The following PSMD13 variants were observed in gnomAD, a reference collection of about 807,000 sequenced individuals.
PSMD13 encodes the protein proteasome 26S subunit, non-ATPase 13.
A neutral mutation model predicts 57.4 loss-of-function variants in PSMD13; 8 were observed. The observed-to-expected ratio is 0.14, with a 90% CI of 0.08 to 0.25. The LOEUF is 0.25. PSMD13 is among the 10% of genes least tolerant of loss of function. PSMD13 has a pLI of 1.00. For synonymous variants in PSMD13, 193 were observed against 168.2 expected (o/e 1.15, Z -1.14); for missense variants, 400 against 461.5 (o/e 0.87, Z 1.22).
intron 6 of PSMD13, among the ~76,000 whole-genome samples, chr11:246,407 C>G (rs1185633616): frequency 1.3e-5 from 2 of 152,126 alleles, no homozygotes; most frequent in African/African-American, 2.4e-5. Flanking sequence ...GAGGCTGAGG[C>G]AGCGAATTGC....
chr11:238,136 A>G (rs1859406352), intron 1 of PSMD13, among the ~76,000 whole-genome samples: 1 of 152,350 alleles, frequency 6.6e-6, no homozygotes, highest in African/African-American at 2.4e-5. Flanking sequence ...ACTGTCCCTG[A>G]GGTTTTAAAT....
At chr11:237,997 A>C (rs1324698845) in intron 1 of PSMD13, among the ~76,000 whole-genome samples, 1 of 152,260 alleles carries the variant, frequency 6.6e-6, no homozygotes, top group Non-Finnish European at 1.5e-5. Flanking sequence ...TTCTGCTATT[A>C]GCAGTTTTTG....
At position 252,417 on chromosome 11, in the gene PSMD13, A is replaced by T; in HGVS notation, c.1036-88A>T. ...GCCCTAGAGAGTTAGCTGGAGATGT[A>T]GAGTCACCCCATCAGGTGCTGTGCC... On this transcript the variant is annotated intron_variant, in intron 12 of 12. Transcript: ENST00000532097. This position sits in a 1 kb window ranked among gnomAD's most constrained non-coding sequence, Gnocchi z 4.1. 8.2e-7 allele frequency: 1 copy of T among 1,217,726 alleles called. No individual in the cohort carries two copies. The highest frequency in any genetic ancestry group is 1.2e-6 in the Non-Finnish European group (1 of 823,956). 75.4% of individuals were successfully genotyped at this position (1,217,726 alleles called of 1,614,324 possible). A position where few individuals can be genotyped will look rare whatever the true frequency, so the allele number is the denominator to read the frequency against.
intron 2 of PSMD13, among the ~76,000 whole-genome samples, chr11:242,779 A>G (rs928595059): frequency 1.3e-5 from 2 of 151,914 alleles, no homozygotes; most frequent in Middle Eastern, 3.2e-3. Flanking sequence ...TCCTGATACT[A>G]CATTATGTCT....
intron 2 of PSMD13, chr11:243,091 G>GCC (rs1590247950): frequency 2.4e-5 from 12 of 504,910 alleles, no homozygotes; most frequent in East Asian, 1.2e-4. Context: ...ACTGCGCCCG[G>GCC]ATGGTTACGT....
chr11:248,674 TACAA>T (rs1243114263), intron 7 of PSMD13, 98 bp from the exon 8 acceptor site: 3 of 1,155,814 alleles, frequency 2.6e-6, no homozygotes, highest in Non-Finnish European at 3.8e-6. Flanking sequence ...TAACAACCAT[TACAA>T]ACAATGTTTT....
chr11:251,728 G>A lies in PSMD13; in HGVS notation c.919-92G>A, dbSNP rs200947971. 3.5e-5 allele frequency: 54 copies of A among 1,529,982 alleles called. No homozygotes were observed. In the East Asian group the frequency reaches 3.6e-4, roughly 10 times the overall value. 94.8% of individuals were successfully genotyped at this position (1,529,982 alleles called of 1,614,324 possible). The stretch of plus-strand genomic sequence containing the variant: ...TGCTCCCTAGACAGTAAAAAATGAC[G>A]GGAGGAGCGGCATCTGCTTCTCACA... On this transcript the variant is annotated intron_variant, in intron 11 of 12. Coordinates refer to ENST00000532097, the MANE Select transcript of PSMD13 (RefSeq NM_002817.4). The surrounding 1 kb of genome is among the most constrained non-coding windows in gnomAD (Gnocchi z 4.6).
rs1216841574 is a variant in PSMD13, at chr11:247,376, A to G, written c.496A>G (p.Ile166Val). Residue 166 changes from isoleucine to valine, a missense_variant, in exon 7 of 13, where the codon ATC becomes GTC. Coordinates refer to ENST00000532097, the MANE Select transcript of PSMD13 (RefSeq NM_002817.4). ...TCTCTCCAGTAAATACTATCAAACA[A>G]TCGGAAACCACGCGTCCTACTACAA... ...YDLSSKYYQTIGNHASYYKDA... is the reference protein window; with the variant it reads ...YDLSSKYYQTVGNHASYYKDA... 16 of 1,614,134 alleles carry G rather than the reference A, an allele frequency of 9.9e-6. No homozygotes were observed. Among genetic ancestry groups the G allele is most frequent in the Admixed American group, 1.7e-5 (1 of 60,032 alleles).
Position 248,794 on chromosome 11 carries a change from G to C in PSMD13, c.587G>C (p.Arg196Thr). 2 of 1,614,210 alleles carry C rather than the reference G, an allele frequency of 1.2e-6. No individual in the cohort carries two copies. The highest frequency in any genetic ancestry group is 1.3e-5 in the African/African-American group (1 of 75,060). ...ACCATAGTGTCTGAGCAGCAGGAGA[G>C]AGCCTTCACGCTGGGGCTAGCAGGA... is the stretch of plus-strand genomic sequence containing the variant. ...KDLPVSEQQERAFTLGLAGLL... is the reference protein window; with the variant it reads ...KDLPVSEQQETAFTLGLAGLL... The change falls in exon 8 of 13, where the codon AGA becomes ACA. Residue 196 changes from arginine to threonine, a missense_variant. By Grantham distance (71) the Arg-to-Thr change is moderately conservative. Coordinates refer to ENST00000532097, the MANE Select transcript of PSMD13 (RefSeq NM_002817.4).
chr11:243,114 CT>C, intron 2 of PSMD13: 15 of 587,664 alleles, frequency 2.6e-5, no homozygotes, highest in Non-Finnish European at 4.0e-5. Context: ...TTTTCTTTCC[CT>C]TTTTTTACTT....
At chr11:246,359 G>A (rs1039476135) in intron 6 of PSMD13, among the ~76,000 whole-genome samples, 18 of 152,124 alleles carry the variant, frequency 1.2e-4, no homozygotes, top group Middle Eastern at 3.4e-3. Context: ...AAAATTAGCC[G>A]GGCATGGTGG....
intron 4 of PSMD13, 83 bp downstream of exon 4, chr11:244,299 T>C (rs1859585478): frequency 6.3e-7 from 1 of 1,586,332 alleles, no homozygotes; most frequent in African/African-American, 1.4e-5. Flanking sequence ...TTTTGTGTTT[T>C]CTGTATCAGA....
chr11:238,858 G>C, intron 1 of PSMD13, 140 bp from the exon 2 acceptor site: 1 of 806,212 alleles, frequency 1.2e-6, no homozygotes, highest in Non-Finnish European at 2.1e-6. Flanking sequence ...TTGGATTTTG[G>C]AGCATTTTGA....
chr11:237,435 T>C (rs997121280), intron 1 of PSMD13, among the ~76,000 whole-genome samples: 3 of 152,244 alleles, frequency 2.0e-5, no homozygotes, highest in African/African-American at 7.2e-5. Context: ...GCTTCTGAAC[T>C]CCTACCTCGG....
At chr11:249,738 G>T (rs977704413) in intron 9 of PSMD13, among the ~76,000 whole-genome samples, 1 of 152,164 alleles carries the variant, frequency 6.6e-6, no homozygotes. Flanking sequence ...ACAAGGGCTT[G>T]AGCTTTAATG....
Position 251,568 on chromosome 11 carries a change from A to T in PSMD13, c.860A>T (p.Asn287Ile). Residue 287 changes from asparagine to isoleucine, a missense_variant, in exon 11 of 13, where the codon AAT becomes ATT. Asn to Ile is a moderately radical substitution (Grantham distance 149). Coordinates refer to ENST00000532097, the MANE Select transcript of PSMD13 (RefSeq NM_002817.4). This position sits in a 1 kb window ranked among gnomAD's most constrained non-coding sequence, Gnocchi z 4.6. ...CAGATGACTTTCACACGACCTGCCA[A>T]TCACAGACAACTCACTTTTGAAGAA... ...LMEMTFTRPA[N>I]HRQLTFEEIA... The T allele has an allele frequency of 6.2e-7, 1 of 1,614,094 alleles. No individual in the cohort carries two copies. The highest frequency in any genetic ancestry group is 8.5e-7 in the Non-Finnish European group (1 of 1,179,926).
chr11:245,575 G>A (rs1217944913), intron 6 of PSMD13, among the ~76,000 whole-genome samples: 2 of 151,972 alleles, frequency 1.3e-5, no homozygotes, highest in Non-Finnish European at 1.5e-5. Context: ...GTGCAGTTGG[G>A]AGACAGGTAT....
chr11:237,013 C>A lies in PSMD13; in HGVS notation c.-37C>A, dbSNP rs758400961. The A allele has an allele frequency of 1.9e-6, 3 of 1,549,526 alleles. No homozygotes were observed. The African/African-American group carries it at 4.1e-5, about 21-fold the overall frequency. ...CAGCCATCCCCGCGGTGCTGACATC[C>A]CGGTTGTTCTTCTGTGCCGGGGGTC... On this transcript the variant is annotated 5_prime_UTR_variant, in exon 1 of 13. Coordinates refer to ENST00000532097, the MANE Select transcript of PSMD13 (RefSeq NM_002817.4).
In PSMD13 at chr11:251,050, C is replaced by T; in HGVS notation, c.837+185C>T. ...CTTGCTCTTCTAAGTTTATATTTGG[C>T]TCTTAGCTCAGACGACACCCTCCCA... On this transcript the variant is annotated intron_variant, in intron 10 of 12. Coordinates refer to ENST00000532097, the MANE Select transcript of PSMD13 (RefSeq NM_002817.4). The surrounding 1 kb of genome is among the most constrained non-coding windows in gnomAD (Gnocchi z 4.6). 3.3e-6 allele frequency: 2 copies of T among 597,360 alleles called. No individual in the cohort carries two copies. The highest frequency in any genetic ancestry group is 6.0e-6 in the Non-Finnish European group (2 of 335,568). 37.0% of individuals were successfully genotyped at this position (597,360 alleles called of 1,614,324 possible).
Sources: gnomAD v4.1 joint callset for allele counts (sites outside exome capture counted in the v4.1 genomes callset) on GRCh38, gnomAD v4.1.1 for gene constraint, Gnocchi (gnomAD v3.1) non-coding constraint, MANE v1.5 for transcripts, NCBI Gene and HGNC (gene_info 2026-07-23, HGNC 2026-07-21) for gene names.